Variants in ARFGEF1 observed in about 807,000 individuals in gnomAD.
The protein encoded by ARFGEF1 is ARF guanine nucleotide exchange factor 1.
A neutral mutation model predicts 231.0 loss-of-function variants in ARFGEF1; 42 were observed. The observed-to-expected ratio is 0.18, with a 90% confidence interval of 0.14 to 0.24. ARFGEF1 has a LOEUF of 0.24. Among genes scored for constraint, ARFGEF1 ranks in the 10% least tolerant of loss-of-function variants. The pLI, the probability that ARFGEF1 is intolerant of heterozygous loss-of-function variation, is 1.00. For synonymous variants in ARFGEF1, 710 were observed against 732.3 expected (o/e 0.97, Z 0.49); for missense variants, 1,345 against 2,192.0 (o/e 0.61, Z 7.72).
rs776340419 is a variant in ARFGEF1 at position 67,201,455 on chromosome 8, C to T, written c.5267+12G>A. On this transcript the variant is annotated intron_variant, in intron 37 of 38. Transcript: ENST00000262215. ...TACCTGGTCAGAGATGGAAATCAGT[C>T]AAAAGTCTTACTTCAAAAGCCTCTG... 33 of 1,600,586 alleles carry T rather than the reference C, an allele frequency of 2.1e-5. No individual in the cohort carries two copies. Among genetic ancestry groups the T allele is most frequent in the Middle Eastern group, 1.7e-4 (1 of 5,958 alleles).
At chr8:67,264,945 T>C (rs1026273920) in intron 14 of ARFGEF1, among the ~76,000 whole-genome samples, 2 of 152,196 alleles carry the variant, frequency 1.3e-5, no homozygotes, top group African/African-American at 4.8e-5. Context: ...TGCTTGGCAA[T>C]AGTCCCAAGT....
At chr8:67,189,540 A>G (rs1478283574) in intron 5 of ARFGEF1, among the ~76,000 whole-genome samples, 1 of 152,254 alleles carries the variant, frequency 6.6e-6, no homozygotes, top group Non-Finnish European at 1.5e-5. Context: ...CCTATTTTTA[A>G]AAACCCATAC....
rs57653248 is a variant in ARFGEF1 at position 67,252,282 on chromosome 8, C to CAA, written c.2699-834_2699-833dup. Among the ~76,000 whole-genome samples, 120 of 21,852 alleles carry CAA rather than the reference C, an allele frequency of 5.5e-3. 4 individuals are homozygous for CAA. Among genetic ancestry groups the CAA allele is most frequent in the South Asian group, 0.013 (5 of 382 alleles). 14.3% of individuals were successfully genotyped at this position (21,852 alleles called of 152,430 possible). A position where few individuals can be genotyped will look rare whatever the true frequency, so the allele number is the denominator to read the frequency against. Reference sequence around the variant, plus strand: ...CAGCCTGGGCAACAAAACTCCATCTCAAAAAAAAAAAAAAAAAAAAAAAAA... The same window carrying CAA: ...CAGCCTGGGCAACAAAACTCCATCTCAAAAAAAAAAAAAAAAAAAAAAAAAAA... On this transcript the variant is annotated intron_variant, in intron 18 of 38. Coordinates refer to ENST00000262215, the MANE Select transcript of ARFGEF1 (RefSeq NM_006421.5).
chr8:67,319,107 T>C (rs1267224207), intron 1 of ARFGEF1, among the ~76,000 whole-genome samples: 1 of 152,162 alleles, frequency 6.6e-6, no homozygotes, highest in Non-Finnish European at 1.5e-5. Context: ...ACAATAAATA[T>C]ATCAAGTTCA....
downstream of ARFGEF1, among the ~76,000 whole-genome samples, chr8:67,193,179 C>T (rs1836890959): frequency 6.6e-6 from 1 of 152,066 alleles, no homozygotes; most frequent in African/African-American, 2.4e-5. Flanking sequence ...TCCAGTGGCA[C>T]AATCTCAGCT....
At chr8:67,199,860 CTTAAATA>C in intron 38 of ARFGEF1, 1 of 179,024 alleles carries the variant, frequency 5.6e-6, no homozygotes, top group South Asian at 1.2e-4. Flanking sequence ...TTTTGAAAAC[CTTAAATA>C]TGCACTTATA....
chr8:67,193,686 A>C (rs1168557089), downstream of ARFGEF1: 3 of 1,225,876 alleles, frequency 2.4e-6, no homozygotes, highest in South Asian at 4.1e-5. Flanking sequence ...CTAACGTCTG[A>C]GGGATAGATG....
downstream of ARFGEF1, chr8:67,195,914 G>A (rs895575049): frequency 3.2e-5 from 7 of 218,232 alleles, no homozygotes; most frequent in South Asian, 4.2e-4. Flanking sequence ...TGTCTTAAAC[G>A]TCCTGTAAAA....
intron 5 of ARFGEF1, among the ~76,000 whole-genome samples, chr8:67,176,996 A>G (rs1348157159): frequency 6.8e-6 from 1 of 147,892 alleles, no homozygotes; most frequent in African/African-American, 2.5e-5. Flanking sequence ...GCTTGAACCC[A>G]GGAGGTGGAG....
chr8:67,285,195 A>C (rs915563783), intron 7 of ARFGEF1, among the ~76,000 whole-genome samples: 3 of 152,090 alleles, frequency 2.0e-5, no homozygotes, highest in African/African-American at 7.2e-5. Flanking sequence ...CCAATATCTG[A>C]GTAAGGCAAG....
chr8:67,211,199 C>T (rs1838732982), intron 34 of ARFGEF1, among the ~76,000 whole-genome samples: 1 of 151,434 alleles, frequency 6.6e-6, no homozygotes, highest in African/African-American at 2.4e-5. Flanking sequence ...CAAAAATTAG[C>T]CGGGCATGGT....
intron 1 of ARFGEF1, 62 bp downstream of exon 1, chr8:67,343,102 C>CCCGGGGG: frequency 3.6e-6 from 2 of 560,596 alleles, no homozygotes; most frequent in Admixed American, 3.7e-5. Context: ...CACCCCCCCA[C>CCCGGGGG]AGGCGCCCCC....
Position 67,197,715 on chromosome 8 carries a change from A to T in ARFGEF1, c.*1219T>A. The stretch of plus-strand genomic sequence containing the variant: ...TTTATTGACCTATAACCTGATTAGA[A>T]TATGCCAGATGGGAATCAATATTGT... On this transcript the variant is annotated 3_prime_UTR_variant, in exon 39 of 39. Coordinates refer to ENST00000262215, the MANE Select transcript of ARFGEF1 (RefSeq NM_006421.5). 1 of 985,826 alleles carries T rather than the reference A, an allele frequency of 1.0e-6. No homozygotes were observed. The highest frequency in any genetic ancestry group is 1.2e-6 in the Non-Finnish European group (1 of 829,888). 61.1% of individuals were successfully genotyped at this position (985,826 alleles called of 1,614,324 possible).
rs182974055 is a variant in ARFGEF1, at chr8:67,185,508, T to C, written c.561-9936A>G. On this transcript the variant is annotated intron_variant, in intron 5 of 5. Coordinates refer to the ARFGEF1 transcript ENST00000518789. ...ACTTTGAAAATGTACAGCCAATGGT[T>C]TCCCTTGGGGGCTTTGAAATAACAT... 1.6e-3 allele frequency among the ~76,000 whole-genome samples: 237 copies of C among 152,316 alleles called. 1 individual carries two copies. Among genetic ancestry groups the C allele is most frequent in the Non-Finnish European group, 2.9e-3 (197 of 68,022 alleles).
downstream of ARFGEF1, chr8:67,193,500 T>C: frequency 6.2e-7 from 1 of 1,613,318 alleles, no homozygotes; most frequent in Non-Finnish European, 8.5e-7. Flanking sequence ...AGATGGTCTC[T>C]CTCTAAAATC....
intron 5 of ARFGEF1, among the ~76,000 whole-genome samples, chr8:67,293,757 C>T (rs1361064919): frequency 2.0e-5 from 3 of 152,012 alleles, no homozygotes; most frequent in East Asian, 3.9e-4. Flanking sequence ...CACAATGTAC[C>T]GGTGTGACCG....
rs905319285 is a variant in ARFGEF1 at position 67,209,753 on chromosome 8, T to C, written c.4819+1730A>G. Among the ~76,000 whole-genome samples the C allele has an allele frequency of 5.3e-5, 8 of 152,210 alleles. No individual in the cohort carries two copies. The South Asian group carries it at 1.7e-3, about 32-fold the overall frequency. The stretch of plus-strand genomic sequence containing the variant: ...GGTGAGGGGAGGAATACAGGTGACC[T>C]GTGGATCCCTGTATGGAGACAGGGG... On this transcript the variant is annotated intron_variant, in intron 34 of 38. Coordinates refer to ENST00000262215, the MANE Select transcript of ARFGEF1 (RefSeq NM_006421.5).
At chr8:67,268,562 C>T (rs184973543) in intron 10 of ARFGEF1, among the ~76,000 whole-genome samples, 6 of 152,122 alleles carry the variant, frequency 3.9e-5, no homozygotes, top group South Asian at 2.1e-4. Flanking sequence ...TAATTATCTC[C>T]GCAAAGCTGG....
chr8:67,343,366 GAGA>G lies in ARFGEF1; in HGVS notation c.-82_-80del. ...AGGGGAGGAGGAGGAGAGGAAGGAA[GAGA>G]AGAGAGAAAGGAGAGGGGGTGGAGG... On this transcript the variant is annotated 5_prime_UTR_variant, in exon 1 of 39. Coordinates refer to ENST00000262215, the MANE Select transcript of ARFGEF1 (RefSeq NM_006421.5). 6.6e-7 allele frequency: 1 copy of G among 1,510,530 alleles called. No individual in the cohort carries two copies. 93.6% of individuals were successfully genotyped at this position (1,510,530 alleles called of 1,614,324 possible). A position where few individuals can be genotyped will look rare whatever the true frequency, so the allele number is the denominator to read the frequency against.
Sources: gnomAD v4.1 joint callset for allele counts (sites outside exome capture counted in the v4.1 genomes callset) on GRCh38, gnomAD v4.1.1 for gene constraint, MANE v1.5 for transcripts, NCBI Gene and HGNC (gene_info 2026-07-23, HGNC 2026-07-21) for gene names.